ATP8B4: variants seen among roughly 807,000 people sequenced by gnomAD.
ATP8B4 encodes the protein ATPase phospholipid transporting 8B4 (putative).
ATP8B4 carries 133 observed loss-of-function variants against 145.6 expected under a neutral mutation model. The ratio of observed to expected loss-of-function variants is 0.91; its 90% CI spans 0.79 to 1.05. The LOEUF is 1.05. Ranked by LOEUF, ATP8B4 falls within the 50% of genes least tolerant of loss-of-function variation. The pLI, the probability that ATP8B4 is intolerant of heterozygous loss-of-function variation, is 0.00. For missense variants in ATP8B4, 1,458 were observed against 1,425.2 expected (o/e 1.02, Z -0.37); for synonymous variants, 507 against 492.9 (o/e 1.03, Z -0.38).
rs1461023447 is a variant in ATP8B4, at chr15:50,102,804, AG to A, written c.28+4134del. Among the ~76,000 whole-genome samples, 3 of 151,838 alleles carry A rather than the reference AG, an allele frequency of 2.0e-5. No individual in the cohort carries two copies. The East Asian group carries it at 5.8e-4, about 29-fold the overall frequency. On this transcript the variant is annotated intron_variant, in intron 2 of 27. Coordinates refer to ENST00000284509, the MANE Select transcript of ATP8B4 (RefSeq NM_024837.4). ...GACATAACAAAAAAAAAAAAACTAC[AG>A]AACAATATCCTTTATGAATATAGAT...
chr15:49,861,452 G>A (rs11633045), intron 27 of ATP8B4, among the ~76,000 whole-genome samples: 9,134 of 142,574 alleles, frequency 0.064, 839 homozygotes, highest in African/African-American at 0.2. Flanking sequence ...CTGTCTGTCT[G>A]TCTATCTATC....
intron 2 of ATP8B4, among the ~76,000 whole-genome samples, chr15:50,105,315 T>C (rs1004358406): frequency 6.7e-6 from 1 of 150,182 alleles, no homozygotes; most frequent in Non-Finnish European, 1.5e-5. Flanking sequence ...CACGTGTTTG[T>C]ATAGAAAAAG....
intron 20 of ATP8B4, 114 bp downstream of exon 20, chr15:49,916,820 T>A: frequency 1.1e-6 from 1 of 923,946 alleles, no homozygotes; most frequent in African/African-American, 1.7e-5. Flanking sequence ...AACTTTATAC[T>A]AAGTTAAGAC....
chr15:49,928,916 A>T (rs1023430900), intron 16 of ATP8B4, among the ~76,000 whole-genome samples: 1 of 152,042 alleles, frequency 6.6e-6, no homozygotes, highest in Non-Finnish European at 1.5e-5. Flanking sequence ...GTATTTGAGG[A>T]TCTATTAGTC....
chr15:50,102,814 C>A (rs535293586), intron 2 of ATP8B4, among the ~76,000 whole-genome samples: 1 of 150,724 alleles, frequency 6.6e-6, no homozygotes, highest in South Asian at 2.1e-4. Flanking sequence ...AGAACAATAT[C>A]CTTTATGAAT....
Position 49,931,993 on chromosome 15 carries a change from T to TAG in ATP8B4, c.1454-688_1454-687dup, listed in dbSNP as rs200744891. Among the ~76,000 whole-genome samples the TAG allele has an allele frequency of 4.4e-3, 673 of 151,452 alleles. 7 individuals are homozygous for TAG. Among genetic ancestry groups the TAG allele is most frequent in the African/African-American group, 0.015 (633 of 41,338 alleles). The stretch of plus-strand genomic sequence containing the variant: ...AATAAGTTATATGTATATATACATA[T>TAG]AGAGAGAGAGAGTTTATAAAACAGC... On this transcript the variant is annotated intron_variant, in intron 15 of 27. Coordinates refer to ENST00000284509, the MANE Select transcript of ATP8B4 (RefSeq NM_024837.4).
intron 2 of ATP8B4, among the ~76,000 whole-genome samples, chr15:50,085,954 CATATATATTTATAT>C (rs2054949252): frequency 3.4e-5 from 1 of 29,692 alleles, no homozygotes; most frequent in Non-Finnish European, 5.6e-5. Flanking sequence ...TGATATATAT[CATATATATTTATAT>C]ATGATATATC....
At chr15:50,006,890 C>T (rs2048341096) in intron 7 of ATP8B4, among the ~76,000 whole-genome samples, 1 of 152,148 alleles carries the variant, frequency 6.6e-6, no homozygotes, top group Non-Finnish European at 1.5e-5. Flanking sequence ...ACCTGGCTCC[C>T]ACGGTCCGAG....
At chr15:50,172,375 C>T (rs930933525) in intron 1 of ATP8B4, among the ~76,000 whole-genome samples, 1 of 152,262 alleles carries the variant, frequency 6.6e-6, no homozygotes, top group African/African-American at 2.4e-5. Context: ...AGCTCCTGAC[C>T]GCGAGTGATC....
chr15:50,151,279 A>G (rs916324839), intron 1 of ATP8B4, among the ~76,000 whole-genome samples: 2 of 152,242 alleles, frequency 1.3e-5, no homozygotes, highest in African/African-American at 4.8e-5. Flanking sequence ...CTTTAGAAAC[A>G]TAACTTTTTC....
At position 50,056,697 on chromosome 15, in the gene ATP8B4, ATG is replaced by A. The variant is rs1299967238; in HGVS notation, c.88-9235_88-9234del. On this transcript the variant is annotated intron_variant, in intron 3 of 27. Transcript: ENST00000284509. Reference sequence around the variant, plus strand: ...CTATACACAATATATGTATATGTATATGTGTATATATATATATATACACACAC... The same window carrying A: ...CTATACACAATATATGTATATGTATATGTATATATATATATATACACACAC... 2.1e-5 allele frequency among the ~76,000 whole-genome samples: 3 copies of A among 140,528 alleles called. No homozygotes were observed. In the East Asian group the frequency reaches 5.9e-4, roughly 28 times the overall value. The allele number at this position is 140,528 out of a possible 152,430, so 92.2% of individuals were successfully genotyped here.
intron 7 of ATP8B4, chr15:50,009,783 G>A: frequency 2.5e-6 from 1 of 397,816 alleles, no homozygotes; most frequent in Non-Finnish European, 5.0e-6. Flanking sequence ...AGCTTAACCA[G>A]AGTGGACTTT....
chr15:49,886,526 C>A (rs1229172326), intron 23 of ATP8B4, among the ~76,000 whole-genome samples: 1 of 152,012 alleles, frequency 6.6e-6, no homozygotes, highest in Non-Finnish European at 1.5e-5. Context: ...TTTATTGAGA[C>A]AATTAACCAT....
At chr15:50,181,158 T>C in intron 1 of ATP8B4, among the ~76,000 whole-genome samples, 1 of 152,192 alleles carries the variant, frequency 6.6e-6, no homozygotes, top group East Asian at 1.9e-4. Context: ...GGGAAGCTCC[T>C]AGCAGCGTGT....
At chr15:50,011,604 G>A (rs1223186934) in intron 6 of ATP8B4, among the ~76,000 whole-genome samples, 3 of 152,070 alleles carry the variant, frequency 2.0e-5, no homozygotes, top group African/African-American at 4.8e-5. Flanking sequence ...CAGTTCAAAG[G>A]GGTTTATTAT....
At chr15:49,990,282 G>A (rs2046950302) in intron 9 of ATP8B4, among the ~76,000 whole-genome samples, 1 of 152,170 alleles carries the variant, frequency 6.6e-6, no homozygotes, top group African/African-American at 2.4e-5. Flanking sequence ...AGAAGAGAAA[G>A]AGGCAGTAAA....
chr15:50,122,663 A>C (rs1337538495), upstream of ATP8B4, among the ~76,000 whole-genome samples: 1 of 152,152 alleles, frequency 6.6e-6, no homozygotes, highest in Non-Finnish European at 1.5e-5. Flanking sequence ...ATTTGGGAAT[A>C]TGCACTAAAT....
intron 7 of ATP8B4, among the ~76,000 whole-genome samples, chr15:50,006,922 T>C (rs1044499525): frequency 6.6e-6 from 1 of 152,178 alleles, no homozygotes; most frequent in East Asian, 1.9e-4. Flanking sequence ...TCAGGAACTC[T>C]GCAGTATGTT....
At chr15:49,958,397 C>T (rs1330738873) in intron 14 of ATP8B4, among the ~76,000 whole-genome samples, 2 of 150,870 alleles carry the variant, frequency 1.3e-5, no homozygotes, top group African/African-American at 4.9e-5. Flanking sequence ...CTGTAAGGAA[C>T]GAAGAAGGCA....
Sources: gnomAD v4.1 joint callset for allele counts (sites outside exome capture counted in the v4.1 genomes callset) on GRCh38, gnomAD v4.1.1 for gene constraint, MANE v1.5 for transcripts, NCBI Gene and HGNC (gene_info 2026-07-23, HGNC 2026-07-21) for gene names.